The following MTBP variants were observed in gnomAD, a reference collection of about 807,000 sequenced individuals.
MTBP encodes the protein MDM2 binding protein, also known as mdm2-binding protein.
In MTBP, 101 loss-of-function variants were observed where a neutral mutation model predicts 117.0. That is an observed-to-expected ratio of 0.86 (90% CI 0.73 to 1.02). The LOEUF (loss-of-function observed/expected upper bound fraction) is 1.02, where lower values mean the gene tolerates loss of function less well. Ranked by LOEUF, MTBP falls within the 50% of genes least tolerant of loss-of-function variation. MTBP has a pLI of 0.00. For synonymous variants in MTBP, 350 were observed against 351.5 expected (o/e 1.00, Z 0.05); for missense variants, 970 against 1,030.9 (o/e 0.94, Z 0.81).
chr8:120,467,094 T>G (rs1460618471), intron 10 of MTBP, among the ~76,000 whole-genome samples: 1 of 152,184 alleles, frequency 6.6e-6, no homozygotes, highest in Non-Finnish European at 1.5e-5. Context: ...TCTATGTAAC[T>G]ATGATTAGCC....
intron 11 of MTBP, among the ~76,000 whole-genome samples, chr8:120,482,914 T>C (rs1814120976): frequency 6.6e-6 from 1 of 152,048 alleles, no homozygotes; most frequent in South Asian, 2.1e-4. Flanking sequence ...TTAGCCAGGA[T>C]GGTCTTGATC....
intron 11 of MTBP, chr8:120,473,247 C>T (rs1015701583): frequency 3.3e-5 from 5 of 151,674 alleles, no homozygotes; most frequent in Admixed American, 2.0e-4. Flanking sequence ...ATTTTCAATT[C>T]GTGGTTGGTT....
intron 13 of MTBP, among the ~76,000 whole-genome samples, chr8:120,492,789 A>G (rs1473150572): frequency 1.3e-5 from 2 of 152,166 alleles, no homozygotes; most frequent in African/African-American, 4.8e-5. Flanking sequence ...GTTTATTTTC[A>G]TTAATTTTAT....
intron 7 of MTBP, 109 bp from the exon 8 acceptor site, chr8:120,459,106 T>C: frequency 1.1e-6 from 1 of 952,246 alleles, no homozygotes; most frequent in Non-Finnish European, 1.5e-6. Context: ...GAATCAAAAA[T>C]AAATTTATAC....
At chr8:120,488,764 G>A (rs1349623888) in intron 12 of MTBP, among the ~76,000 whole-genome samples, 3 of 152,040 alleles carry the variant, frequency 2.0e-5, no homozygotes, top group South Asian at 2.1e-4. Context: ...TTAAAAATAG[G>A]AGTTTATTAT....
intron 16 of MTBP, among the ~76,000 whole-genome samples, chr8:120,508,728 A>G (rs1814741423): frequency 6.6e-6 from 1 of 152,124 alleles, no homozygotes; most frequent in Non-Finnish European, 1.5e-5. Context: ...TCTACATACC[A>G]TTTCCAACTC....
At chr8:120,487,913 A>G (rs548511550) in intron 11 of MTBP, among the ~76,000 whole-genome samples, 7 of 152,256 alleles carry the variant, frequency 4.6e-5, no homozygotes, top group Non-Finnish European at 1.0e-4. Context: ...GGTAAGCCAT[A>G]TCAAAAGTTA....
At chr8:120,485,766 C>T (rs1015555428) in intron 11 of MTBP, among the ~76,000 whole-genome samples, 1 of 152,188 alleles carries the variant, frequency 6.6e-6, no homozygotes, top group East Asian at 1.9e-4. Context: ...TTATCTCCCC[C>T]CTTATTAGGT....
chr8:120,500,522 A>G (rs1250119777), intron 14 of MTBP, among the ~76,000 whole-genome samples: 4 of 152,182 alleles, frequency 2.6e-5, no homozygotes, highest in Admixed American at 6.5e-5. Context: ...TTATGCTTTT[A>G]GTGGAAAGCC....
chr8:120,516,171 T>C lies in MTBP; in HGVS notation c.2226T>C (p.Asn742=). The C allele has an allele frequency of 6.2e-7, 1 of 1,611,858 alleles. No homozygotes were observed. Among genetic ancestry groups the C allele is most frequent in the African/African-American group, 1.3e-5 (1 of 74,968 alleles). The change falls in exon 18 of 22, where the codon AAT becomes AAC. Residue 742 remains asparagine (N), a synonymous_variant. Transcript: ENST00000305949. The part of the protein sequence containing the change: ...SRLKRRSKDL[N]CLYPRKRLVK... ...TGAAACGGAGATCTAAAGATCTGAA[T>C]TGCCTTTATCCCAGAAAAAGGTGAT...
chr8:120,502,026 A>G (rs1290494747), intron 14 of MTBP, among the ~76,000 whole-genome samples: 1 of 152,192 alleles, frequency 6.6e-6, no homozygotes, highest in African/African-American at 2.4e-5. Context: ...ATCATAACTT[A>G]TCTATTATTA....
At chr8:120,503,523 A>C (rs1354678402) in intron 15 of MTBP, among the ~76,000 whole-genome samples, 2 of 152,144 alleles carry the variant, frequency 1.3e-5, no homozygotes, top group African/African-American at 4.8e-5. Context: ...GTTACATTTG[A>C]GCTGAGACCT....
chr8:120,455,022 C>T (rs1039175902), intron 5 of MTBP, among the ~76,000 whole-genome samples: 4 of 151,322 alleles, frequency 2.6e-5, no homozygotes, highest in Non-Finnish European at 5.9e-5. Flanking sequence ...TATTCATTCT[C>T]TTTTGGATAA....
intron 7 of MTBP, 81 bp from the exon 8 acceptor site, chr8:120,459,133 CT>C: frequency 7.9e-7 from 1 of 1,259,052 alleles, no homozygotes; most frequent in Non-Finnish European, 1.1e-6. Context: ...TTCCCCTCAA[CT>C]TTTACATTGT....
intron 10 of MTBP, among the ~76,000 whole-genome samples, chr8:120,468,645 C>T (rs1002345601): frequency 6.6e-6 from 1 of 151,710 alleles, no homozygotes; most frequent in African/African-American, 2.4e-5. Context: ...TGTGGTCAGG[C>T]GTTGTCATGG....
At chr8:120,481,863 CAG>C (rs1319730050) in intron 11 of MTBP, among the ~76,000 whole-genome samples, 1 of 152,100 alleles carries the variant, frequency 6.6e-6, no homozygotes, top group Non-Finnish European at 1.5e-5. Flanking sequence ...AACCTAAATG[CAG>C]AGTTTTGTTT....
intron 15 of MTBP, among the ~76,000 whole-genome samples, chr8:120,503,743 A>G (rs1814632109): frequency 6.6e-6 from 1 of 152,164 alleles, no homozygotes; most frequent in South Asian, 2.1e-4. Flanking sequence ...TCTGTAGGCT[A>G]AGTGAGAGAT....
intron 7 of MTBP, among the ~76,000 whole-genome samples, chr8:120,457,916 A>C (rs1424545395): frequency 1.3e-5 from 2 of 149,840 alleles, no homozygotes; most frequent in Non-Finnish European, 3.0e-5. Flanking sequence ...ACTGCACTCC[A>C]GCCTGCGTGA....
At position 120,470,738 on chromosome 8, in the gene MTBP, A is replaced by G. The variant is rs1180496948; in HGVS notation, c.1048-82A>G. 1.4e-5 allele frequency: 14 copies of G among 997,950 alleles called. No individual in the cohort carries two copies. In the East Asian group the frequency reaches 2.8e-4, roughly 20 times the overall value. The allele number at this position is 997,950 out of a possible 1,614,324, so 61.8% of individuals were successfully genotyped here. ...TAAATGCATGTTACATTGGTGAAATATGAGTGGAAAATTGTCAACTGGCAC... is the reference window on the plus strand; with the variant it reads ...TAAATGCATGTTACATTGGTGAAATGTGAGTGGAAAATTGTCAACTGGCAC... On this transcript the variant is annotated intron_variant, in intron 10 of 21. Transcript: ENST00000305949.
Sources: allele counts gnomAD v4.1 joint callset (sites outside exome capture counted in the v4.1 genomes callset), GRCh38; gene constraint gnomAD v4.1.1; transcripts MANE v1.5; gene names NCBI Gene and HGNC (gene_info 2026-07-23, HGNC 2026-07-21).